Variants in SOS2 observed in about 807,000 individuals in gnomAD.
SOS2 encodes son of sevenless homolog 2.
Under a neutral mutation model 148.2 loss-of-function variants are expected in SOS2, and 65 were observed. The observed-to-expected ratio is 0.44, with a 90% CI of 0.36 to 0.54. The LOEUF (loss-of-function observed/expected upper bound fraction) is 0.54. Among genes scored for constraint, SOS2 ranks in the 20% least tolerant of loss-of-function variants. The pLI is 0.00. For missense variants in SOS2, 1,341 were observed against 1,590.2 expected, an observed-to-expected ratio of 0.84 and a Z score of 2.67; for synonymous variants, 539 against 537.1, an observed-to-expected ratio of 1.00 and a Z score of -0.05.
At position 50,150,240 on chromosome 14, in the gene SOS2, G is replaced by C. The variant is rs375702667; in HGVS notation, c.2162-10C>G. ...TTTTTCATAGCTTTCCCTGGAAAAA[G>C]AACACATAAAGAAAAATGTCTTTTA... On this transcript the variant is annotated splice_polypyrimidine_tract_variant and intron_variant, in intron 13 of 22. Coordinates refer to ENST00000216373, the MANE Select transcript of SOS2 (RefSeq NM_006939.4). 6.5e-7 allele frequency: 1 copy of C among 1,533,126 alleles called. No homozygotes were observed. Among genetic ancestry groups the C allele is most frequent in the South Asian group, 1.1e-5 (1 of 89,272 alleles). The allele number at this position is 1,533,126 out of a possible 1,614,324, so 95.0% of individuals were successfully genotyped here.
intron 7 of SOS2, among the ~76,000 whole-genome samples, chr14:50,178,667 TGTGC>T (rs796787528): frequency 0.19 from 2,262 of 11,624 alleles, 77 homozygotes; most frequent in African/African-American, 0.33. Flanking sequence ...TGTGTGTGTG[TGTGC>T]ATATATATAT....
intron 6 of SOS2, among the ~76,000 whole-genome samples, chr14:50,181,875 T>C (rs1383169719): frequency 1.3e-5 from 2 of 152,008 alleles, no homozygotes; most frequent in Non-Finnish European, 2.9e-5. Context: ...GATTTTTACT[T>C]TGGAAAACAT....
intron 6 of SOS2, among the ~76,000 whole-genome samples, chr14:50,182,207 T>A (rs967751176): frequency 3.3e-5 from 5 of 151,834 alleles, no homozygotes; most frequent in East Asian, 3.9e-4. Flanking sequence ...TACAAAAAAA[T>A]TTTGTTTTTT....
At chr14:50,179,256 A>G (rs7160591) in intron 7 of SOS2, among the ~76,000 whole-genome samples, 32,169 of 151,862 alleles carry the variant, frequency 0.21, 3,725 homozygotes, top group East Asian at 0.48. Flanking sequence ...AAATGAAAAA[A>G]CTTTCTTCAC....
intron 17 of SOS2, 22 bp from the exon 18 acceptor site, chr14:50,138,806 T>C (rs1368995251): frequency 1.3e-6 from 1 of 755,726 alleles, no homozygotes; most frequent in Admixed American, 3.3e-5. Flanking sequence ...AAAAAAAGAA[T>C]TTAAAGAAAA....
Position 50,130,002 on chromosome 14 carries a change from C to T in SOS2, c.3338G>A (p.Gly1113Asp). ...FLDVDLNSSC[G>D]SNSIFAPVLL... ...CACTGGAGCAAAGATGCTATTGCTG[C>T]CTATTGGAATAAGAAAAATTAATTT... Residue 1113 changes from glycine to aspartate, a missense_variant and splice_region_variant, in exon 21 of 23, where the codon GGC (glycine) becomes GAC (aspartate). Coordinates refer to ENST00000216373, the MANE Select transcript of SOS2 (RefSeq NM_006939.4). 2 of 1,583,052 alleles carry T rather than the reference C, an allele frequency of 1.3e-6. No individual in the cohort carries two copies. The highest frequency in any genetic ancestry group is 1.7e-5 in the Admixed American group (1 of 58,098).
chr14:50,138,253 C>G (rs1052995306), intron 18 of SOS2, among the ~76,000 whole-genome samples: 1 of 151,746 alleles, frequency 6.6e-6, no homozygotes, highest in Non-Finnish European at 1.5e-5. Flanking sequence ...CCCTCCTAGG[C>G]TCAAGTGATT....
chr14:50,132,997 T>A (rs1883935923), intron 19 of SOS2, among the ~76,000 whole-genome samples: 1 of 151,626 alleles, frequency 6.6e-6, no homozygotes, highest in Non-Finnish European at 1.5e-5. Flanking sequence ...AAAAAAAAAA[T>A]TAAAGGGCAA....
At chr14:50,147,891 CAGG>C (rs1259579324) in intron 14 of SOS2, among the ~76,000 whole-genome samples, 2 of 151,510 alleles carry the variant, frequency 1.3e-5, no homozygotes, top group African/African-American at 2.4e-5. Flanking sequence ...GAGGCCAAGG[CAGG>C]AGGACTGCCT....
intron 1 of SOS2, among the ~76,000 whole-genome samples, chr14:50,213,580 A>T (rs530623801): frequency 6.6e-6 from 1 of 152,092 alleles, no homozygotes; most frequent in South Asian, 2.1e-4. Flanking sequence ...CGTGCCTGTA[A>T]TCTCAGCTTG....
intron 8 of SOS2, among the ~76,000 whole-genome samples, chr14:50,171,428 G>A (rs1286945911): frequency 1.3e-5 from 2 of 151,976 alleles, no homozygotes; most frequent in African/African-American, 2.4e-5. Flanking sequence ...GCTCACCCCT[G>A]TAATCCCAGC....
intron 4 of SOS2, among the ~76,000 whole-genome samples, chr14:50,196,271 A>AT (rs1238386489): frequency 7.9e-5 from 12 of 152,052 alleles, no homozygotes; most frequent in African/African-American, 2.7e-4. Context: ...AAAAGAGTAA[A>AT]TTTTTTTGTC....
chr14:50,136,319 T>C (rs932776485), intron 18 of SOS2, among the ~76,000 whole-genome samples: 2 of 152,216 alleles, frequency 1.3e-5, no homozygotes, highest in Non-Finnish European at 2.9e-5. Flanking sequence ...CTCAATCATA[T>C]AGAAGACACT....
intron 14 of SOS2, among the ~76,000 whole-genome samples, chr14:50,146,376 G>A (rs1884472108): frequency 6.6e-6 from 1 of 152,134 alleles, no homozygotes; most frequent in Admixed American, 6.5e-5. Flanking sequence ...AGGTGCAGCA[G>A]CTCATGCCTG....
chr14:50,218,540 A>C (rs1427139729), intron 1 of SOS2, among the ~76,000 whole-genome samples: 1 of 152,110 alleles, frequency 6.6e-6, no homozygotes, highest in Non-Finnish European at 1.5e-5. Flanking sequence ...AAAAACAAAA[A>C]CAAAAACAAA....
Position 50,173,302 on chromosome 14 carries a change from C to A in SOS2, c.1068+1152G>T, listed in dbSNP as rs185559678. On this transcript the variant is annotated intron_variant, in intron 8 of 22. Coordinates refer to ENST00000216373, the MANE Select transcript of SOS2 (RefSeq NM_006939.4). ...AAAAGCCATAATAATTCTATGTATA[C>A]CTTGTAGGCATCTAGGCAAGGAATA... 2.6e-5 allele frequency among the ~76,000 whole-genome samples: 4 copies of A among 152,194 alleles called. No homozygotes were observed. In the East Asian group the frequency reaches 7.7e-4, roughly 29 times the overall value.
intron 8 of SOS2, among the ~76,000 whole-genome samples, chr14:50,173,299 A>G (rs1885426449): frequency 6.6e-6 from 1 of 152,212 alleles, no homozygotes; most frequent in Non-Finnish European, 1.5e-5. Context: ...AATTCTATGT[A>G]TACCTTGTAG....
chr14:50,184,616 G>A (rs1044729671), intron 5 of SOS2, among the ~76,000 whole-genome samples: 2 of 152,028 alleles, frequency 1.3e-5, no homozygotes, highest in African/African-American at 4.8e-5. Flanking sequence ...AAAAGGATCA[G>A]AGGGTTGCAA....
intron 1 of SOS2, among the ~76,000 whole-genome samples, chr14:50,210,664 T>C (rs866298679): frequency 6.6e-6 from 1 of 151,350 alleles, no homozygotes; most frequent in East Asian, 1.9e-4. Context: ...CTAGAATATA[T>C]AGAGAACTCC....
Sources: allele counts gnomAD v4.1 joint callset (sites outside exome capture counted in the v4.1 genomes callset), GRCh38; gene constraint gnomAD v4.1.1; transcripts MANE v1.5; gene names NCBI Gene and HGNC (gene_info 2026-07-23, HGNC 2026-07-21).